The following ERAP1 variants were observed in gnomAD, a reference collection of about 807,000 sequenced individuals.
ERAP1 encodes endoplasmic reticulum aminopeptidase 1, also known as adipocyte-derived leucine aminopeptidase.
A neutral mutation model predicts 103.7 loss-of-function variants in ERAP1; 86 were observed. The observed-to-expected ratio is 0.83, with a 90% CI of 0.70 to 0.99. The LOEUF (loss-of-function observed/expected upper bound fraction) is 0.99, where lower values mean the gene tolerates loss of function less well. ERAP1 is among the 50% of genes least tolerant of loss of function. The probability of loss-of-function intolerance (pLI) is 0.00; values close to 1 mark genes in which losing one functional copy is unlikely to be tolerated. For synonymous variants in ERAP1, 398 were observed against 402.4 expected, an observed-to-expected ratio of 0.99 and a Z score of 0.13; for missense variants, 1,009 against 1,128.4, an observed-to-expected ratio of 0.89 and a Z score of 1.52.
At chr5:96,772,624 AT>A (rs2150824536), downstream of ERAP1, 1 of 152,820 alleles carries the variant, frequency 6.5e-6, no homozygotes, top group South Asian at 2.1e-4. Flanking sequence ...TGCATTTTTT[AT>A]TTGAAATTTT....
the ERAP1 span, among the ~76,000 whole-genome samples, chr5:96,861,987 G>GA: frequency 1.3e-4 from 19 of 151,462 alleles, no homozygotes; most frequent in African/African-American, 4.6e-4. Flanking sequence ...GATTCTTTTT[G>GA]AAAAAAAAAT....
At chr5:96,889,424 A>G in the ERAP1 span, 18 of 1,162,152 alleles carry the variant, frequency 1.5e-5, no homozygotes, top group Non-Finnish European at 1.9e-5. Flanking sequence ...TTAGCTCAGG[A>G]AAAAATAATT....
chr5:96,877,192 C>T, the ERAP1 span, among the ~76,000 whole-genome samples: 1 of 152,126 alleles, frequency 6.6e-6, no homozygotes, highest in Non-Finnish European at 1.5e-5. Flanking sequence ...TGAGGCTGGT[C>T]TCGAATTCCT....
chr5:96,888,176 T>G, the ERAP1 span, among the ~76,000 whole-genome samples: 90,168 of 150,970 alleles, frequency 0.6, 27,079 homozygotes, highest in Middle Eastern at 0.7. Flanking sequence ...AAGAAAAATC[T>G]GTATAAAGTA....
At chr5:96,844,162 A>G in the ERAP1 span, among the ~76,000 whole-genome samples, 1 of 152,192 alleles carries the variant, frequency 6.6e-6, no homozygotes, top group South Asian at 2.1e-4. Flanking sequence ...AGGGGGCCTC[A>G]GTTCATTTCA....
At chr5:96,910,206 C>A in the ERAP1 span, 84,902 of 156,616 alleles carry the variant, frequency 0.54, 22,994 homozygotes, top group Admixed American at 0.59. Context: ...CAGAAGTTGC[C>A]GTGAGCCAAG....
the ERAP1 span, among the ~76,000 whole-genome samples, chr5:96,828,372 A>G: frequency 1.3e-5 from 2 of 152,230 alleles, no homozygotes; most frequent in African/African-American, 4.8e-5. Flanking sequence ...AATAAACATT[A>G]GTAATAATAA....
the ERAP1 span, among the ~76,000 whole-genome samples, chr5:96,837,335 T>C: frequency 6.6e-6 from 1 of 152,252 alleles, no homozygotes; most frequent in Non-Finnish European, 1.5e-5. Context: ...AAAGTTATTG[T>C]ACAGAACACA....
Sources: allele counts gnomAD v4.1 joint callset (sites outside exome capture counted in the v4.1 genomes callset), GRCh38; gene constraint gnomAD v4.1.1; transcripts MANE v1.5; gene names NCBI Gene and HGNC (gene_info 2026-07-23, HGNC 2026-07-21).